The following DLG2 variants were observed in gnomAD, a reference collection of about 807,000 sequenced individuals.
DLG2 encodes the protein disks large homolog 2.
Under a neutral mutation model 132.5 loss-of-function variants are expected in DLG2, and 45 were observed. The observed-to-expected ratio is 0.34, with a 90% CI of 0.27 to 0.44. DLG2 has a LOEUF of 0.44. DLG2 is among the 20% of genes least tolerant of loss of function. The pLI is 1.00. For missense variants in DLG2, 1,045 were observed against 1,196.9 expected (o/e 0.87, Z 1.87); for synonymous variants, 424 against 419.6 (o/e 1.01, Z -0.13).
chr11:85,038,342 G>GA (rs1423844586), intron 6 of DLG2, among the ~76,000 whole-genome samples: 3 of 151,902 alleles, frequency 2.0e-5, no homozygotes, highest in African/African-American at 7.3e-5. Flanking sequence ...CGTTTTGACA[G>GA]AAAAAAAGTT....
intron 8 of DLG2, among the ~76,000 whole-genome samples, chr11:84,173,003 G>A (rs923947950): frequency 6.6e-6 from 1 of 151,998 alleles, no homozygotes; most frequent in African/African-American, 2.4e-5. Context: ...CGGCTTTTTA[G>A]CTATAAAATT....
chr11:83,899,364 C>T (rs2072745053), intron 15 of DLG2, among the ~76,000 whole-genome samples: 1 of 152,196 alleles, frequency 6.6e-6, no homozygotes, highest in African/African-American at 2.4e-5. Flanking sequence ...TTATCCCTCT[C>T]CTGCATTTCT....
intron 6 of DLG2, among the ~76,000 whole-genome samples, chr11:84,906,477 A>G (rs887894911): frequency 7.9e-5 from 12 of 152,006 alleles, no homozygotes; most frequent in African/African-American, 2.9e-4. Flanking sequence ...TGATGGATAT[A>G]TTATCAAATA....
At chr11:83,775,686 C>CA (rs1428420186) in intron 18 of DLG2, among the ~76,000 whole-genome samples, 1 of 151,142 alleles carries the variant, frequency 6.6e-6, no homozygotes, top group African/African-American at 2.4e-5. Flanking sequence ...AAAGTAAAAA[C>CA]AGAGTTTATA....
At chr11:84,512,539 C>T (rs546792951) in intron 7 of DLG2, among the ~76,000 whole-genome samples, 8 of 152,192 alleles carry the variant, frequency 5.3e-5, no homozygotes, top group African/African-American at 1.7e-4. Flanking sequence ...ATTTCTAGGA[C>T]TTTGAAAAAT....
intron 18 of DLG2, among the ~76,000 whole-genome samples, chr11:83,770,181 G>A (rs1271965686): frequency 1.3e-5 from 2 of 150,912 alleles, no homozygotes; most frequent in Admixed American, 1.3e-4. Flanking sequence ...TTGTCCCTAA[G>A]TAAGTTTCTT....
chr11:85,095,471 T>G (rs1043100859), intron 6 of DLG2, among the ~76,000 whole-genome samples: 2 of 152,176 alleles, frequency 1.3e-5, no homozygotes, highest in Non-Finnish European at 2.9e-5. Flanking sequence ...TGTTAAATAA[T>G]CTACTGAACA....
At chr11:84,629,485 G>T (rs1018684496) in intron 6 of DLG2, among the ~76,000 whole-genome samples, 7 of 152,204 alleles carry the variant, frequency 4.6e-5, no homozygotes, top group Non-Finnish European at 2.9e-5. Flanking sequence ...CCAACTGAGA[G>T]ATTCAGCTGA....
At chr11:84,318,545 C>T (rs960539232) in intron 7 of DLG2, among the ~76,000 whole-genome samples, 2 of 152,118 alleles carry the variant, frequency 1.3e-5, no homozygotes, top group African/African-American at 4.8e-5. Flanking sequence ...CCTGAGCTGG[C>T]AAGGTGCTTA....
At chr11:84,632,840 T>A (rs1036827158) in intron 6 of DLG2, among the ~76,000 whole-genome samples, 2 of 152,194 alleles carry the variant, frequency 1.3e-5, no homozygotes, top group African/African-American at 4.8e-5. Context: ...TCCAGAATTT[T>A]TACATCCTTT....
Position 84,502,258 on chromosome 11 carries a change from CCTTCCTTCCTTCCTTCCTTCCTTCT to C in DLG2, c.519+32287_519+32311del, listed in dbSNP as rs2099214611. On this transcript the variant is annotated intron_variant, in intron 7 of 27. Coordinates refer to ENST00000376104, the MANE Select transcript of DLG2 (RefSeq NM_001142699.3). The stretch of plus-strand genomic sequence containing the variant: ...TCCTTCCTTCCTTCCTTCCTTCCTT[CCTTCCTTCCTTCCTTCCTTCCTTCT>C]TTCTTTCTTTCTTTCTTTCTTTCTT... Among the ~76,000 whole-genome samples the C allele has an allele frequency of 1.3e-4, 6 of 44,886 alleles. No individual in the cohort carries two copies. The African/African-American group carries it at 1.9e-3, about 14-fold the overall frequency. The allele number at this position is 44,886 out of a possible 152,430, so 29.4% of individuals were successfully genotyped here.
At chr11:84,144,360 C>A (rs11233926) in intron 9 of DLG2, among the ~76,000 whole-genome samples, 12,937 of 152,118 alleles carry the variant, frequency 0.085, 694 homozygotes, top group African/African-American at 0.15. Flanking sequence ...CAGCTTCAAG[C>A]TACTCTTCCA....
chr11:85,545,692 C>G (rs7120523), intron 3 of DLG2, among the ~76,000 whole-genome samples: 36,001 of 151,964 alleles, frequency 0.24, 4,761 homozygotes, highest in East Asian at 0.38. Flanking sequence ...TTCAGGGATT[C>G]AACTTCTTCC....
chr11:85,351,671 T>C (rs995836236), intron 3 of DLG2, among the ~76,000 whole-genome samples: 5 of 152,206 alleles, frequency 3.3e-5, no homozygotes, highest in Non-Finnish European at 2.9e-5. Context: ...GATAATTATG[T>C]GGTTTTCGTT....
At chr11:83,466,628 G>T in intron 26 of DLG2, 80 bp downstream of exon 26, 1 of 720,562 alleles carries the variant, frequency 1.4e-6, no homozygotes, top group Non-Finnish European at 2.4e-6. Context: ...AGCATTCCCA[G>T]CAAAATCCTG....
intron 10 of DLG2, among the ~76,000 whole-genome samples, chr11:84,078,228 T>C (rs2154152052): frequency 6.6e-6 from 1 of 152,274 alleles, no homozygotes; most frequent in South Asian, 2.1e-4. Flanking sequence ...TATATGTAAG[T>C]GATCAGAAAT....
At chr11:84,817,724 A>G (rs1002244998) in intron 6 of DLG2, among the ~76,000 whole-genome samples, 1 of 151,982 alleles carries the variant, frequency 6.6e-6, no homozygotes, top group Non-Finnish European at 1.5e-5. Flanking sequence ...GTAATGGGTG[A>G]AGACGATTAC....
intron 11 of DLG2, among the ~76,000 whole-genome samples, chr11:84,052,716 G>T (rs1425197960): frequency 2.0e-5 from 3 of 149,766 alleles, no homozygotes; most frequent in African/African-American, 7.3e-5. Context: ...ACAGATGCAG[G>T]CAAGGTTGTG....
At chr11:85,325,241 T>C (rs1315150875) in intron 3 of DLG2, among the ~76,000 whole-genome samples, 20 of 152,124 alleles carry the variant, frequency 1.3e-4, no homozygotes, top group South Asian at 1.0e-3. Context: ...ACAAAGCAGC[T>C]GGGAAGCTCG....
Sources: allele counts gnomAD v4.1 joint callset (sites outside exome capture counted in the v4.1 genomes callset), GRCh38; gene constraint gnomAD v4.1.1; transcripts MANE v1.5; gene names NCBI Gene and HGNC (gene_info 2026-07-23, HGNC 2026-07-21).